STAG1: variants seen among roughly 807,000 people sequenced by gnomAD.
The protein encoded by STAG1 is STAG1 cohesin complex component.
A neutral mutation model predicts 170.9 loss-of-function variants in STAG1; 26 were observed. The observed-to-expected ratio is 0.15, with a 90% CI of 0.11 to 0.21. The LOEUF is 0.21. Ranked by LOEUF, STAG1 falls within the 10% of genes least tolerant of loss-of-function variation. STAG1 has a pLI of 1.00. For synonymous variants in STAG1, 514 were observed against 497.7 expected, an observed-to-expected ratio of 1.03 and a Z score of -0.44; for missense variants, 964 against 1,509.5, an observed-to-expected ratio of 0.64 and a Z score of 5.99.
intron 4 of STAG1, among the ~76,000 whole-genome samples, chr3:136,580,815 G>C (rs1390003122): frequency 6.6e-6 from 1 of 151,860 alleles, no homozygotes; most frequent in Non-Finnish European, 1.5e-5. Context: ...TTACAGGCGT[G>C]AGCCACCGCA....
At chr3:136,677,069 G>T (rs1366711745) in intron 1 of STAG1, among the ~76,000 whole-genome samples, 2 of 152,024 alleles carry the variant, frequency 1.3e-5, no homozygotes, top group Non-Finnish European at 2.9e-5. Flanking sequence ...TTAAAGACCT[G>T]CCAGAGACTG....
chr3:136,518,692 AC>A (rs1208955676), intron 7 of STAG1, among the ~76,000 whole-genome samples: 1 of 150,670 alleles, frequency 6.6e-6, no homozygotes, highest in East Asian at 1.9e-4. Flanking sequence ...AATTGAGAGA[AC>A]AACTGAAAAG....
intron 9 of STAG1, among the ~76,000 whole-genome samples, chr3:136,498,888 G>A (rs954132344): frequency 5.9e-5 from 9 of 152,150 alleles, no homozygotes; most frequent in African/African-American, 1.7e-4. Context: ...TGGTTAAAAT[G>A]TTTAAGTTCC....
At position 136,604,401 on chromosome 3, in the gene STAG1, G is replaced by T. The variant is rs756665199; in HGVS notation, c.205C>A (p.Arg69Ser). The change falls in exon 4 of 34, where the codon CGT (arginine) becomes AGT (serine). Residue 69 changes from arginine (R) to serine (S), a missense_variant. By Grantham distance (110) the Arg-to-Ser change is moderately radical. Coordinates refer to ENST00000383202, the MANE Select transcript of STAG1 (RefSeq NM_005862.3). ...RIEAGIRGAG[R>S]GRANGHPQQN... ...TGAGGGTGTCCATTAGCTCTTCCAC[G>T]GCCTGCTCCTCTAATTCCAGCTTCA... is the stretch of plus-strand genomic sequence containing the variant. The T allele has an allele frequency of 6.2e-7, 1 of 1,613,174 alleles. No individual in the cohort carries two copies. The highest frequency in any genetic ancestry group is 1.1e-5 in the South Asian group (1 of 91,012).
intron 14 of STAG1, among the ~76,000 whole-genome samples, chr3:136,446,480 C>T (rs78501016): frequency 0.045 from 6,838 of 151,944 alleles, 511 homozygotes; most frequent in African/African-American, 0.15. Context: ...TGGAATGCTA[C>T]GGCATGATCT....
chr3:136,430,806 G>GACAGACACAC (rs778171419), intron 16 of STAG1, among the ~76,000 whole-genome samples: 62 of 131,160 alleles, frequency 4.7e-4, no homozygotes, highest in African/African-American at 1.7e-3. Flanking sequence ...GACATAGACA[G>GACAGACACAC]ACACACACAC....
chr3:136,688,583 G>A (rs1942617327), intron 1 of STAG1, among the ~76,000 whole-genome samples: 1 of 152,048 alleles, frequency 6.6e-6, no homozygotes, highest in Non-Finnish European at 1.5e-5. Context: ...GTAGAGATGG[G>A]GCTTTGCCAT....
chr3:136,540,852 ACCTATATATTT>A (rs1482783543), intron 6 of STAG1, among the ~76,000 whole-genome samples: 1 of 141,292 alleles, frequency 7.1e-6, no homozygotes, highest in Non-Finnish European at 1.5e-5. Context: ...AAAAAAAAAA[ACCTATATATTT>A]ATTTTCCTGA....
intron 7 of STAG1, among the ~76,000 whole-genome samples, chr3:136,509,251 G>A (rs1255801867): frequency 6.6e-6 from 1 of 152,230 alleles, no homozygotes; most frequent in African/African-American, 2.4e-5. Flanking sequence ...AAACAGGCAA[G>A]ATAATCAGCT....
chr3:136,723,924 T>G (rs1256699117), intron 1 of STAG1, among the ~76,000 whole-genome samples: 115 of 75,444 alleles, frequency 1.5e-3, no homozygotes, highest in Middle Eastern at 0.011. Flanking sequence ...CGTCTGGGAG[T>G]GAGGTGGGGG....
chr3:136,499,568 GGTAACAA>G (rs1297037037), intron 9 of STAG1, among the ~76,000 whole-genome samples: 1 of 152,098 alleles, frequency 6.6e-6, no homozygotes, highest in African/African-American at 2.4e-5. Flanking sequence ...ATCAACAGAA[GGTAACAA>G]GTATATGTAT....
Position 136,477,506 on chromosome 3 carries a change from T to A in STAG1, c.903-94A>T, listed in dbSNP as rs369975909. 5.1e-6 allele frequency: 6 copies of A among 1,182,938 alleles called. No homozygotes were observed. The East Asian group carries it at 1.3e-4, about 25-fold the overall frequency. The allele number at this position is 1,182,938 out of a possible 1,614,324, so 73.3% of individuals were successfully genotyped here. Reference sequence around the variant, plus strand: ...CATAAGCAATAAATATTTCTAATGCTGTTTGTATATATTTGCATTCTGAAT... The same window carrying A: ...CATAAGCAATAAATATTTCTAATGCAGTTTGTATATATTTGCATTCTGAAT... On this transcript the variant is annotated intron_variant, in intron 9 of 33. Coordinates refer to ENST00000383202, the MANE Select transcript of STAG1 (RefSeq NM_005862.3).
intron 6 of STAG1, among the ~76,000 whole-genome samples, chr3:136,537,847 T>C (rs1188576170): frequency 6.6e-6 from 1 of 151,756 alleles, no homozygotes; most frequent in African/African-American, 2.4e-5. Context: ...CAAGCACAGA[T>C]TTTTCAAGAA....
At chr3:136,524,682 A>G (rs1371082627) in intron 6 of STAG1, among the ~76,000 whole-genome samples, 1 of 152,150 alleles carries the variant, frequency 6.6e-6, no homozygotes, top group African/African-American at 2.4e-5. Flanking sequence ...CCAGTTTTCA[A>G]AGGGAATGCT....
intron 7 of STAG1, among the ~76,000 whole-genome samples, chr3:136,519,276 T>C (rs1348434482): frequency 6.6e-6 from 1 of 152,102 alleles, no homozygotes; most frequent in African/African-American, 2.4e-5. Context: ...CACACAAGTT[T>C]CTAGATTAAA....
At chr3:136,436,266 A>G (rs754723224) in intron 15 of STAG1, among the ~76,000 whole-genome samples, 3 of 151,468 alleles carry the variant, frequency 2.0e-5, no homozygotes, top group Admixed American at 1.3e-4. Flanking sequence ...TCATTCTTAC[A>G]TATTTTTAAA....
chr3:136,714,899 C>T (rs1466743825), intron 1 of STAG1, among the ~76,000 whole-genome samples: 10 of 127,338 alleles, frequency 7.9e-5, no homozygotes, highest in Non-Finnish European at 1.3e-4. Flanking sequence ...AAGGAGCAAG[C>T]CCCATCTCAA....
intron 5 of STAG1, among the ~76,000 whole-genome samples, chr3:136,561,413 T>G (rs1936836123): frequency 6.6e-6 from 1 of 152,244 alleles, no homozygotes; most frequent in Non-Finnish European, 1.5e-5. Flanking sequence ...AAACTCTTGA[T>G]GCACTGGAAA....
At chr3:136,623,614 T>C (rs1264752681) in intron 2 of STAG1, among the ~76,000 whole-genome samples, 1 of 152,176 alleles carries the variant, frequency 6.6e-6, no homozygotes, top group Non-Finnish European at 1.5e-5. Context: ...AGGGCAGTGT[T>C]ATGCCAGTCT....
Sources: allele counts gnomAD v4.1 joint callset (sites outside exome capture counted in the v4.1 genomes callset), GRCh38; gene constraint gnomAD v4.1.1; transcripts MANE v1.5; gene names NCBI Gene and HGNC (gene_info 2026-07-23, HGNC 2026-07-21).